OPCML: variants seen among roughly 807,000 people sequenced by gnomAD.
The protein encoded by OPCML is opioid binding protein/cell adhesion molecule like.
OPCML carries 13 observed loss-of-function variants against 37.8 expected under a neutral mutation model. That is an observed-to-expected ratio of 0.34 (90% CI 0.22 to 0.55). The LOEUF is 0.55. Among genes scored for constraint, OPCML ranks in the 20% least tolerant of loss-of-function variants. OPCML has a pLI of 0.91. For synonymous variants in OPCML, 176 were observed against 168.8 expected (o/e 1.04, Z -0.33); for missense variants, 341 against 435.6 (o/e 0.78, Z 1.93).
At chr11:132,713,160 A>G (rs1944334706) in intron 2 of OPCML, among the ~76,000 whole-genome samples, 1 of 151,010 alleles carries the variant, frequency 6.6e-6, no homozygotes, top group Non-Finnish European at 1.5e-5. Flanking sequence ...ATGTAATGTC[A>G]TCCAGAACAA....
At chr11:133,048,884 C>T (rs752630205) in intron 1 of OPCML, among the ~76,000 whole-genome samples, 10 of 152,194 alleles carry the variant, frequency 6.6e-5, no homozygotes, top group Non-Finnish European at 1.3e-4. Context: ...AAGTGCCAAG[C>T]AAGCTAGTAT....
chr11:132,594,003 T>C (rs1176723710), intron 3 of OPCML, among the ~76,000 whole-genome samples: 1 of 152,162 alleles, frequency 6.6e-6, no homozygotes, highest in East Asian at 1.9e-4. Flanking sequence ...ACTGCAAGCT[T>C]AGAAAGATTA....
rs564311083 is a variant in OPCML at position 133,234,429 on chromosome 11, T to A, written c.62-291419A>T. Among the ~76,000 whole-genome samples the A allele has an allele frequency of 2.0e-5, 3 of 152,328 alleles. No homozygotes were observed. The East Asian group carries it at 5.8e-4, about 29-fold the overall frequency. On this transcript the variant is annotated intron_variant, in intron 1 of 7. Coordinates refer to ENST00000524381, the MANE Select transcript of OPCML (RefSeq NM_001012393.5). ...GCCTTTTTAAACCTAACCACCATTCTAATGATTCATTACAAACATGGAAAG... is the reference window on the plus strand; with the variant it reads ...GCCTTTTTAAACCTAACCACCATTCAAATGATTCATTACAAACATGGAAAG...
intron 2 of OPCML, among the ~76,000 whole-genome samples, chr11:132,697,984 T>G (rs1177797046): frequency 6.9e-5 from 1 of 14,398 alleles, no homozygotes; most frequent in African/African-American, 3.4e-4. Context: ...TTCTATTTAT[T>G]TATTTATTTA....
chr11:133,116,771 T>C (rs1189470770), intron 1 of OPCML, among the ~76,000 whole-genome samples: 1 of 149,620 alleles, frequency 6.7e-6, no homozygotes, highest in Non-Finnish European at 1.5e-5. Context: ...TTGTAACTTA[T>C]AAGTAATTTG....
intron 3 of OPCML, among the ~76,000 whole-genome samples, chr11:132,578,853 G>A (rs2096456374): frequency 6.6e-6 from 1 of 152,034 alleles, no homozygotes; most frequent in African/African-American, 2.4e-5. Context: ...TGCATGGCTG[G>A]AAAATAATAT....
At chr11:132,973,726 C>T (rs1031688884) in intron 1 of OPCML, among the ~76,000 whole-genome samples, 3 of 152,196 alleles carry the variant, frequency 2.0e-5, no homozygotes, top group African/African-American at 7.2e-5. Flanking sequence ...AATCTTTGGT[C>T]ACTTCATACA....
Position 133,193,834 on chromosome 11 carries a change from T to A in OPCML, c.62-250824A>T, listed in dbSNP as rs577248336. 2.1e-4 allele frequency among the ~76,000 whole-genome samples: 32 copies of A among 152,324 alleles called. No individual in the cohort carries two copies. In the South Asian group the frequency reaches 5.8e-3, roughly 28 times the overall value. ...CTTGAGGGGAGATAATGCATTGATT[T>A]ATGATTCAAAGAAAATGTAATTTTA... is the stretch of plus-strand genomic sequence containing the variant. On this transcript the variant is annotated intron_variant, in intron 1 of 7. Coordinates refer to ENST00000524381, the MANE Select transcript of OPCML (RefSeq NM_001012393.5).
intron 1 of OPCML, among the ~76,000 whole-genome samples, chr11:133,322,189 A>G (rs1943346056): frequency 6.6e-6 from 1 of 152,174 alleles, no homozygotes; most frequent in African/African-American, 2.4e-5. Flanking sequence ...GAATCTACTT[A>G]TCTATGCTCT....
intron 2 of OPCML, among the ~76,000 whole-genome samples, chr11:132,843,775 G>A (rs113161462): frequency 1.2e-4 from 18 of 152,326 alleles, no homozygotes; most frequent in African/African-American, 4.1e-4. Context: ...GAATGCTGCC[G>A]ATTGTACCTG....
At chr11:132,688,061 A>G (rs1352773537) in intron 2 of OPCML, among the ~76,000 whole-genome samples, 6 of 152,052 alleles carry the variant, frequency 3.9e-5, no homozygotes, top group African/African-American at 1.4e-4. Context: ...TCTATCACCT[A>G]TTTCTTTAGC....
At chr11:132,617,440 A>G (rs1939108621) in intron 3 of OPCML, among the ~76,000 whole-genome samples, 1 of 152,210 alleles carries the variant, frequency 6.6e-6, no homozygotes, top group Non-Finnish European at 1.5e-5. Flanking sequence ...CAACATGTGC[A>G]GAATGGAACT....
chr11:133,165,747 C>T (rs938949820), intron 1 of OPCML, among the ~76,000 whole-genome samples: 1 of 152,162 alleles, frequency 6.6e-6, no homozygotes, highest in South Asian at 2.1e-4. Context: ...GCCCTCTCTC[C>T]TCCCCAGGCT....
At chr11:132,542,673 T>C (rs1347668289) in intron 3 of OPCML, among the ~76,000 whole-genome samples, 1 of 152,200 alleles carries the variant, frequency 6.6e-6, no homozygotes, top group Non-Finnish European at 1.5e-5. Flanking sequence ...ATGAATGGGC[T>C]GCAGGTCTCT....
chr11:132,989,878 T>C (rs1390000827), intron 1 of OPCML, among the ~76,000 whole-genome samples: 2 of 152,136 alleles, frequency 1.3e-5, no homozygotes, highest in Non-Finnish European at 2.9e-5. Flanking sequence ...CACTGCATCA[T>C]TAACTTAGGT....
At chr11:133,296,685 C>T (rs1177073832) in intron 1 of OPCML, among the ~76,000 whole-genome samples, 1 of 152,198 alleles carries the variant, frequency 6.6e-6, no homozygotes, top group Admixed American at 6.5e-5. Context: ...ATTGACTTTT[C>T]TCAGACCCAA....
At chr11:132,678,374 C>A (rs1942800645) in intron 2 of OPCML, among the ~76,000 whole-genome samples, 1 of 152,166 alleles carries the variant, frequency 6.6e-6, no homozygotes, top group South Asian at 2.1e-4. Context: ...ACCTTATAAT[C>A]CAACAAATGT....
chr11:133,210,732 A>G (rs1482873202), intron 1 of OPCML, among the ~76,000 whole-genome samples: 1 of 152,074 alleles, frequency 6.6e-6, no homozygotes, highest in African/African-American at 2.4e-5. Flanking sequence ...GCTCTTTTCT[A>G]GGGGAAATGA....
intron 1 of OPCML, chr11:133,005,570 A>G: frequency 1.0e-6 from 1 of 985,068 alleles, no homozygotes; most frequent in Non-Finnish European, 1.2e-6. Flanking sequence ...AAATATTTTA[A>G]TATATCCCTT....
Sources: gnomAD v4.1 joint callset for allele counts (sites outside exome capture counted in the v4.1 genomes callset) on GRCh38, gnomAD v4.1.1 for gene constraint, MANE v1.5 for transcripts, NCBI Gene and HGNC (gene_info 2026-07-23, HGNC 2026-07-21) for gene names.